The following ARSK variants were observed in gnomAD, a reference collection of about 807,000 sequenced individuals.
ARSK encodes the protein arylsulfatase family member K.
A neutral mutation model predicts 53.2 loss-of-function variants in ARSK; 37 were observed. The observed-to-expected ratio is 0.70, with a 90% CI of 0.54 to 0.92. The LOEUF (loss-of-function observed/expected upper bound fraction) is 0.92. Ranked by LOEUF, ARSK falls within the 40% of genes least tolerant of loss-of-function variation. The pLI is 0.00. For missense variants in ARSK, 613 were observed against 643.0 expected, an observed-to-expected ratio of 0.95 and a Z score of 0.51; for synonymous variants, 208 against 223.2, an observed-to-expected ratio of 0.93 and a Z score of 0.61.
chr5:95,556,572 G>C (rs980090255), intron 1 of ARSK: 1 of 250,466 alleles, frequency 4.0e-6, no homozygotes, highest in Non-Finnish European at 7.6e-6. Flanking sequence ...GTCTTCAGCA[G>C]AGGCAATTGT....
intron 7 of ARSK, among the ~76,000 whole-genome samples, chr5:95,603,011 A>G (rs1010507880): frequency 1.3e-5 from 2 of 152,304 alleles, no homozygotes; most frequent in Non-Finnish European, 2.9e-5. Context: ...AGAAAAAAAA[A>G]GTGGGATAGC....
At chr5:95,588,648 T>C (rs1749163213) in intron 5 of ARSK, among the ~76,000 whole-genome samples, 1 of 152,150 alleles carries the variant, frequency 6.6e-6, no homozygotes, top group South Asian at 2.1e-4. Context: ...GGGAGTATAG[T>C]ATGTTGAATA....
At chr5:95,562,241 TA>T (rs1462998327) in intron 1 of ARSK, among the ~76,000 whole-genome samples, 8 of 151,996 alleles carry the variant, frequency 5.3e-5, no homozygotes, top group Admixed American at 4.6e-4. Flanking sequence ...TAAAATTAAA[TA>T]AATAATAGAA....
At chr5:95,588,634 C>T (rs1749162964) in intron 5 of ARSK, among the ~76,000 whole-genome samples, 1 of 152,006 alleles carries the variant, frequency 6.6e-6, no homozygotes, top group Admixed American at 6.6e-5. Flanking sequence ...ATGTTGGGCA[C>T]TGGGGGAGTA....
chr5:95,590,354 G>A (rs1011054386), intron 5 of ARSK, among the ~76,000 whole-genome samples: 2 of 152,156 alleles, frequency 1.3e-5, no homozygotes, highest in East Asian at 3.8e-4. Flanking sequence ...GCAGGTAGCC[G>A]AGGGTGCTGA....
rs140081995 is a variant in ARSK, at chr5:95,598,667, A to G, written c.1097-2180A>G. ...GCTCAAAACCCTCTACTGATTTCCC[A>G]TTTCACCTAGAGTAAAAATTCAGTG... On this transcript the variant is annotated intron_variant, in intron 6 of 7. Coordinates refer to ENST00000380009, the MANE Select transcript of ARSK (RefSeq NM_198150.3). Among the ~76,000 whole-genome samples the G allele has an allele frequency of 4.4e-4, 67 of 152,150 alleles. No individual in the cohort carries two copies. The East Asian group carries it at 9.5e-3, about 21-fold the overall frequency.
Position 95,604,760 on chromosome 5 carries a change from T to C in ARSK, c.*1234T>C, listed in dbSNP as rs1276825483. The C allele has an allele frequency of 2.0e-5, 3 of 152,216 alleles. No individual in the cohort carries two copies. Among genetic ancestry groups the C allele is most frequent in the African/African-American group, 7.2e-5 (3 of 41,468 alleles). 9.4% of individuals were successfully genotyped at this position (152,216 alleles called of 1,614,324 possible). Reference sequence around the variant, plus strand: ...ATGAGTAACGTAGAGCATATTTTCATGTATTTAACAGCCACTGGAATCTGC... The same window carrying C: ...ATGAGTAACGTAGAGCATATTTTCACGTATTTAACAGCCACTGGAATCTGC... On this transcript the variant is annotated 3_prime_UTR_variant, in exon 8 of 8. Transcript: ENST00000380009.
chr5:95,572,563 G>T (rs1376121233), intron 3 of ARSK, among the ~76,000 whole-genome samples: 2 of 152,242 alleles, frequency 1.3e-5, no homozygotes, highest in Admixed American at 1.3e-4. Context: ...CAGATCACGA[G>T]GTCAGGAGAT....
chr5:95,563,491 T>C (rs1009970615), intron 1 of ARSK, among the ~76,000 whole-genome samples: 5 of 152,254 alleles, frequency 3.3e-5, no homozygotes, highest in Non-Finnish European at 7.3e-5. Flanking sequence ...CGTTGGGAAC[T>C]TTCCCACATG....
intron 3 of ARSK, 96 bp downstream of exon 3, chr5:95,568,145 G>A: frequency 7.6e-7 from 1 of 1,315,614 alleles, no homozygotes; most frequent in Non-Finnish European, 1.0e-6. Context: ...TTTCCACAAA[G>A]GTGAAAGTAA....
intron 3 of ARSK, among the ~76,000 whole-genome samples, chr5:95,577,393 C>A (rs1010695716): frequency 9.9e-5 from 15 of 152,046 alleles, no homozygotes; most frequent in African/African-American, 3.4e-4. Flanking sequence ...ATAAAGTAGT[C>A]TTTGGCATTT....
Position 95,560,670 on chromosome 5 carries a change from A to G in ARSK, c.126+5266A>G, listed in dbSNP as rs148327756. On this transcript the variant is annotated intron_variant, in intron 1 of 7. Coordinates refer to ENST00000380009, the MANE Select transcript of ARSK (RefSeq NM_198150.3). ...AGTTGGACCCTGCCTTGCACCATAC[A>G]CAAACACACAAAAAAAAACTTTAAG... is the stretch of plus-strand genomic sequence containing the variant. Among the ~76,000 whole-genome samples, 812 of 152,282 alleles carry G rather than the reference A, an allele frequency of 5.3e-3. 6 individuals carry two copies. The highest frequency in any genetic ancestry group is 0.012 in the Admixed American group (184 of 15,302).
At chr5:95,559,754 G>GA (rs576000173) in intron 1 of ARSK, among the ~76,000 whole-genome samples, 65 of 149,028 alleles carry the variant, frequency 4.4e-4, no homozygotes, top group East Asian at 3.5e-3. Flanking sequence ...ATGGTTAAAA[G>GA]AAAAAAAAAA....
At chr5:95,557,405 CT>C (rs1748541619) in intron 1 of ARSK, among the ~76,000 whole-genome samples, 1 of 152,218 alleles carries the variant, frequency 6.6e-6, no homozygotes, top group East Asian at 1.9e-4. Context: ...ATACTTATAT[CT>C]TTTTTGTTTT....
chr5:95,586,155 T>C (rs929524782), intron 4 of ARSK, among the ~76,000 whole-genome samples: 1 of 152,148 alleles, frequency 6.6e-6, no homozygotes, highest in Non-Finnish European at 1.5e-5. Context: ...TCACTAGATA[T>C]TGTCATTTTT....
At chr5:95,559,718 CA>C (rs976511180) in intron 1 of ARSK, among the ~76,000 whole-genome samples, 1 of 151,100 alleles carries the variant, frequency 6.6e-6, no homozygotes, top group Non-Finnish European at 1.5e-5. Flanking sequence ...AAGGCATCTA[CA>C]AAAAAAGCCA....
chr5:95,589,327 G>C (rs567008421), intron 5 of ARSK, among the ~76,000 whole-genome samples: 1 of 152,308 alleles, frequency 6.6e-6, no homozygotes, highest in African/African-American at 2.4e-5. Flanking sequence ...ATGCAGGTTT[G>C]TTACATAGGT....
chr5:95,590,696 G>A (rs2112440923), intron 5 of ARSK, among the ~76,000 whole-genome samples: 1 of 152,242 alleles, frequency 6.6e-6, no homozygotes, highest in South Asian at 2.1e-4. Flanking sequence ...CCAAAATAGG[G>A]ATGACCCTTC....
intron 1 of ARSK, 99 bp from the exon 2 acceptor site, chr5:95,565,896 AATC>A (rs1748717304): frequency 9.0e-7 from 1 of 1,113,164 alleles, no homozygotes; most frequent in East Asian, 2.6e-5. Context: ...GGATTCTTAA[AATC>A]ATATTGAAGT....
Sources: gnomAD v4.1 joint callset for allele counts (sites outside exome capture counted in the v4.1 genomes callset) on GRCh38, gnomAD v4.1.1 for gene constraint, MANE v1.5 for transcripts, NCBI Gene and HGNC (gene_info 2026-07-23, HGNC 2026-07-21) for gene names.